ART3: variants seen among roughly 807,000 people sequenced by gnomAD.
ART3 encodes ADP-ribosyltransferase 3 (inactive), also known as ecto-ADP-ribosyltransferase 3.
ART3 carries 49 observed loss-of-function variants against 48.5 expected under a neutral mutation model. The ratio of observed to expected loss-of-function variants is 1.01; its 90% CI spans 0.80 to 1.28. The LOEUF (loss-of-function observed/expected upper bound fraction) is 1.28. Ranked by LOEUF, ART3 falls within the 50% of genes most tolerant of loss-of-function variation. The pLI is 0.00. For missense variants in ART3, 438 were observed against 454.3 expected (o/e 0.96, Z 0.33); for synonymous variants, 145 against 157.2 (o/e 0.92, Z 0.58).
At chr4:76,019,685 A>T (rs1732602983) in intron 1 of ART3, among the ~76,000 whole-genome samples, 1 of 150,078 alleles carries the variant, frequency 6.7e-6, no homozygotes, top group Non-Finnish European at 1.5e-5. Context: ...CAATCTCCTG[A>T]CCTCGTGATC....
intron 1 of ART3, among the ~76,000 whole-genome samples, chr4:76,041,968 G>A (rs1421879178): frequency 6.6e-6 from 1 of 152,118 alleles, no homozygotes; most frequent in Non-Finnish European, 1.5e-5. Flanking sequence ...TGTGTTCTTA[G>A]CAGTGTTGGC....
At chr4:76,011,235 C>G (rs1020666485) in exon 1 of ART3, 3 of 152,600 alleles carry the variant, frequency 2.0e-5, no homozygotes, top group Admixed American at 6.5e-5. Flanking sequence ...TCGACGCTCG[C>G]TCGTGCTGCT....
upstream of ART3, among the ~76,000 whole-genome samples, chr4:76,069,746 A>T (rs959318317): frequency 6.6e-6 from 1 of 151,930 alleles, no homozygotes; most frequent in Non-Finnish European, 1.5e-5. Context: ...CACAGTTTGT[A>T]TATCCATTTA....
Position 76,082,445 on chromosome 4 carries a change from T to G in ART3, c.691T>G (p.Phe231Val). 1 of 1,613,714 alleles carries G rather than the reference T, an allele frequency of 6.2e-7. No homozygotes were observed. The highest frequency in any genetic ancestry group is 8.5e-7 in the Non-Finnish European group (1 of 1,180,008). Residue 231 changes from phenylalanine to valine, a missense_variant, in exon 3 of 12, where the codon TTT becomes GTT. By Grantham distance (50) the Phe-to-Val change is conservative (BLOSUM62 -1). Transcript: ENST00000355810. ...RITLIPLNEV[F>V]QVSQEGAGNN... is the part of the protein sequence containing the mutation. ...TACTTTAATACCTCTGAATGAGGTT[T>G]TTCAAGTGTCACAGGAGGGGGCTGG...
intron 1 of ART3, among the ~76,000 whole-genome samples, chr4:76,048,172 G>A (rs1735692634): frequency 6.6e-6 from 1 of 151,970 alleles, no homozygotes; most frequent in Admixed American, 6.6e-5. Flanking sequence ...AGGTCCTCCT[G>A]TAGGATGTAA....
At chr4:76,048,526 GC>G (rs1031439573) in intron 1 of ART3, among the ~76,000 whole-genome samples, 1 of 151,658 alleles carries the variant, frequency 6.6e-6, no homozygotes, top group Non-Finnish European at 1.5e-5. Context: ...TTCTCCCCCT[GC>G]CCAAGAACCC....
intron 1 of ART3, among the ~76,000 whole-genome samples, chr4:76,015,549 A>G (rs1412881655): frequency 6.6e-6 from 1 of 152,254 alleles, no homozygotes; most frequent in Non-Finnish European, 1.5e-5. Flanking sequence ...GCTGAAAGGC[A>G]AAGTAAAACC....
chr4:76,070,142 C>T (rs1720164541), upstream of ART3, among the ~76,000 whole-genome samples: 2 of 151,256 alleles, frequency 1.3e-5, no homozygotes, highest in South Asian at 4.2e-4. Context: ...CAGGTGTGAA[C>T]ATACACTTTA....
chr4:76,071,122 G>T (rs1005644032), upstream of ART3, among the ~76,000 whole-genome samples: 5 of 152,040 alleles, frequency 3.3e-5, no homozygotes, highest in African/African-American at 9.7e-5. Flanking sequence ...GGCCAAGGCA[G>T]GCGGATCATT....
Position 76,097,637 on chromosome 4 carries a change from G to A in ART3, c.782-7G>A, listed in dbSNP as rs1444416646. On this transcript the variant is annotated splice_polypyrimidine_tract_variant and splice_region_variant and intron_variant, in intron 3 of 11. Transcript: ENST00000355810. ...CTAACTAATAAAGCTTTATCTTTGT[G>A]TTTCAGGACTAAAAACCGAAAACTG... 1 of 1,604,178 alleles carries A rather than the reference G, an allele frequency of 6.2e-7. No homozygotes were observed. The highest frequency in any genetic ancestry group is 1.3e-5 in the African/African-American group (1 of 74,682).
chr4:76,012,816 A>G (rs1731921494), intron 1 of ART3, among the ~76,000 whole-genome samples: 1 of 152,218 alleles, frequency 6.6e-6, no homozygotes, highest in Admixed American at 6.5e-5. Context: ...CTGGAGAAAA[A>G]TTATCCTGAA....
intron 3 of ART3, among the ~76,000 whole-genome samples, chr4:76,089,112 A>G (rs151179299): frequency 4.6e-5 from 7 of 152,328 alleles, no homozygotes; most frequent in African/African-American, 1.7e-4. Context: ...TATTCTTAAC[A>G]ATAATTACTT....
At chr4:76,110,336 G>T (rs1313438937) in intron 11 of ART3, among the ~76,000 whole-genome samples, 1 of 152,202 alleles carries the variant, frequency 6.6e-6, no homozygotes, top group Non-Finnish European at 1.5e-5. Flanking sequence ...AGGAGGATGT[G>T]TGTAGGTATA....
chr4:76,023,907 G>A (rs1198513546), intron 1 of ART3, among the ~76,000 whole-genome samples: 3 of 152,040 alleles, frequency 2.0e-5, no homozygotes, highest in Non-Finnish European at 4.4e-5. Context: ...CTAATTTTTT[G>A]GTAACAGCAA....
intron 1 of ART3, among the ~76,000 whole-genome samples, chr4:76,042,724 G>A (rs936054652): frequency 6.6e-6 from 1 of 151,994 alleles, no homozygotes; most frequent in African/African-American, 2.4e-5. Flanking sequence ...GCAGACTTTC[G>A]CGGTGAGTGT....
chr4:76,012,354 TGTTA>T (rs1207494957), intron 1 of ART3: 2 of 152,198 alleles, frequency 1.3e-5, no homozygotes, highest in Non-Finnish European at 2.9e-5. Context: ...CGGCAGCTGT[TGTTA>T]GTATTAAACT....
At chr4:76,014,787 T>C (rs1419703177) in intron 1 of ART3, among the ~76,000 whole-genome samples, 1 of 152,070 alleles carries the variant, frequency 6.6e-6, no homozygotes, top group Admixed American at 6.5e-5. Context: ...AGACAGAGAA[T>C]CTTGAAAGCA....
chr4:76,043,605 C>T (rs553403296), intron 1 of ART3, among the ~76,000 whole-genome samples: 1 of 152,260 alleles, frequency 6.6e-6, no homozygotes, highest in African/African-American at 2.4e-5. Flanking sequence ...AGCCCACGCC[C>T]ACCCAGAACT....
chr4:76,089,410 A>G (rs1724327571), intron 3 of ART3, among the ~76,000 whole-genome samples: 1 of 152,172 alleles, frequency 6.6e-6, no homozygotes, highest in African/African-American at 2.4e-5. Flanking sequence ...TTGTGCTGTT[A>G]TCATGATAGA....
Sources: gnomAD v4.1 joint callset for allele counts (sites outside exome capture counted in the v4.1 genomes callset) on GRCh38, gnomAD v4.1.1 for gene constraint, MANE v1.5 for transcripts, NCBI Gene and HGNC (gene_info 2026-07-23, HGNC 2026-07-21) for gene names.